The following SPATA20 variants were observed in gnomAD, a reference collection of about 807,000 sequenced individuals.
SPATA20 encodes spermatogenesis associated 20.
SPATA20 carries 74 observed loss-of-function variants against 98.9 expected under a neutral mutation model. That is an observed-to-expected ratio of 0.75 (90% CI 0.62 to 0.91). The LOEUF (loss-of-function observed/expected upper bound fraction) is 0.91. Ranked by LOEUF, SPATA20 falls within the 40% of genes least tolerant of loss-of-function variation. The pLI is 0.00. For missense variants in SPATA20, 1,016 were observed against 1,069.8 expected, an observed-to-expected ratio of 0.95 and a Z score of 0.70; for synonymous variants, 430 against 440.5, an observed-to-expected ratio of 0.98 and a Z score of 0.30.
At position 50,550,206 on chromosome 17, in the gene SPATA20, A is replaced by C. The variant is rs2034989007; in HGVS notation, c.994-2A>C. 6.2e-7 allele frequency: 1 copy of C among 1,612,786 alleles called. No individual in the cohort carries two copies. Among genetic ancestry groups the C allele is most frequent in the Non-Finnish European group, 8.5e-7 (1 of 1,179,768 alleles). On this transcript the variant is annotated splice_acceptor_variant, in intron 8 of 16. Coordinates refer to ENST00000006658, the MANE Select transcript of SPATA20 (RefSeq NM_022827.4). LOFTEE classifies it high-confidence loss of function. ...CTGGCCTCCAGCTTTGTATCCGCAC[A>C]GGGCTTTCACCGCTACTCCACAGAC...
At position 50,552,084 on chromosome 17, in the gene SPATA20, G is replaced by A. The variant is rs376110651; in HGVS notation, c.1861G>A (p.Asp621Asn). Reference sequence around the variant, plus strand: ...GCTCGAGTGGGCTCTGCGGCTGCAGGACACACAGGACAAGCTCTTTTGGGA... The same window carrying A: ...GCTCGAGTGGGCTCTGCGGCTGCAGAACACACAGGACAAGCTCTTTTGGGA... ...AWLEWALRLQ[D>N]TQDKLFWDSQ... The change falls in exon 14 of 17, where the codon GAC becomes AAC. Residue 621 changes from aspartate to asparagine, a missense_variant. Physicochemically the swap from Asp to Asn is conservative, Grantham distance 23. Coordinates refer to ENST00000006658, the MANE Select transcript of SPATA20 (RefSeq NM_022827.4). The A allele has an allele frequency of 6.2e-7, 1 of 1,613,718 alleles. No homozygotes were observed. Among genetic ancestry groups the A allele is most frequent in the African/African-American group, 1.3e-5 (1 of 74,950 alleles).
chr17:50,554,226 C>A (rs1336567800), intron 14 of SPATA20, 25 bp from the exon 15 acceptor site: 1 of 1,610,440 alleles, frequency 6.2e-7, no homozygotes, highest in Non-Finnish European at 8.5e-7. Flanking sequence ...CTTACCCCCA[C>A]CCCCTGCCTC....
chr17:50,547,860 A>T, intron 2 of SPATA20, 93 bp downstream of exon 2: 1 of 1,057,824 alleles, frequency 9.5e-7, no homozygotes, highest in Non-Finnish European at 1.5e-6. Context: ...TGGCCTGTCC[A>T]GCCACCAACA....
At chr17:50,554,885 C>CTCTG (rs1378621002) in intron 15 of SPATA20, among the ~76,000 whole-genome samples, 5 of 141,438 alleles carry the variant, frequency 3.5e-5, no homozygotes, top group Non-Finnish European at 7.8e-5. Flanking sequence ...TGGGCATCTA[C>CTCTG]TGTGTGTGTG....
chr17:50,548,949 C>T lies in SPATA20; in HGVS notation c.501C>T (p.Tyr167=), dbSNP rs1412474452. 2 of 1,614,154 alleles carry T rather than the reference C, an allele frequency of 1.2e-6. No homozygotes were observed. Among genetic ancestry groups the T allele is most frequent in the Non-Finnish European group, 1.7e-6 (2 of 1,180,010 alleles). ...REERPDVDKV[Y]MTFVQATSSG... ...AGCGGCCTGACGTGGACAAGGTGTA[C>T]ATGACGTTCGTGCAGGTGAGCAGCC... Residue 167 remains tyrosine (Y), a synonymous_variant, in exon 5 of 17, where the codon TAC becomes TAT. Transcript: ENST00000006658.
intron 2 of SPATA20, chr17:50,548,009 G>C (rs775846420): frequency 6.8e-7 from 1 of 1,475,380 alleles, no homozygotes; most frequent in South Asian, 1.4e-5. Context: ...ATTGTGACCC[G>C]CCCTGACCTC....
In SPATA20 at chr17:50,550,044, C is replaced by T. The variant is rs778772586; in HGVS notation, c.922C>T (p.Arg308Trp). 34 of 1,601,310 alleles carry T rather than the reference C, an allele frequency of 2.1e-5. No individual in the cohort carries two copies. The highest frequency in any genetic ancestry group is 2.6e-5 in the Non-Finnish European group (30 of 1,171,232). The change falls in exon 8 of 17, where the codon CGG becomes TGG. Residue 308 changes from arginine (R) to tryptophan (W), a missense_variant. Transcript: ENST00000006658. ...LSHRLTQDGS[R>W]AQQMALHTLK... is the part of the protein sequence containing the mutation. ...CCATCGACTGACTCAGGATGGCTCT[C>T]GGGCCCAGCAGATGGCCTTGCATAC...
chr17:50,555,475 C>T lies in SPATA20; in HGVS notation c.2239-17C>T. ...CCACCCCGGCAGGTGACTCTCCCTG[C>T]TCTGCTGCTGCCCTAGGTGCTGATT... On this transcript the variant is annotated splice_polypyrimidine_tract_variant and intron_variant, in intron 16 of 16. Coordinates refer to ENST00000006658, the MANE Select transcript of SPATA20 (RefSeq NM_022827.4). The T allele has an allele frequency of 6.2e-7, 1 of 1,613,502 alleles. No homozygotes were observed. The highest frequency in any genetic ancestry group is 8.5e-7 in the Non-Finnish European group (1 of 1,179,702).
chr17:50,549,414 C>T lies in SPATA20; in HGVS notation c.789C>T (p.Cys263=), dbSNP rs1567909440. 6.2e-7 allele frequency: 1 copy of T among 1,612,784 alleles called. No homozygotes were observed. Among genetic ancestry groups the T allele is most frequent in the South Asian group, 1.1e-5 (1 of 91,086 alleles). Residue 263 remains cysteine, a synonymous_variant, in exon 7 of 17, where the codon TGC becomes TGT. Coordinates refer to ENST00000006658, the MANE Select transcript of SPATA20 (RefSeq NM_022827.4). ...CTGCCGCCACCGTGAACAATCGCTG[C>T]TTCCAGCAGCTGGATGAGGGCTATG... The part of the protein sequence containing the change: ...PPSAATVNNR[C]FQQLDEGYDE...
intron 15 of SPATA20, among the ~76,000 whole-genome samples, chr17:50,554,919 G>A (rs2035083002): frequency 9.9e-6 from 1 of 101,452 alleles, no homozygotes. Context: ...GTGTGTGTGT[G>A]TGTGTGTGTG....
At position 50,549,191 on chromosome 17, in the gene SPATA20, G is replaced by A. The variant is rs377547872; in HGVS notation, c.660+5G>A. On this transcript the variant is annotated splice_donor_5th_base_variant and intron_variant, in intron 6 of 16. Coordinates refer to ENST00000006658, the MANE Select transcript of SPATA20 (RefSeq NM_022827.4). ...TTGCTGAGAATACGAGAACAGGTGG[G>A]TGTGCCTCCGGGAGTTGGGGGACCA... The A allele has an allele frequency of 2.6e-5, 41 of 1,593,382 alleles. No homozygotes were observed. In the African/African-American group the frequency reaches 4.7e-4, roughly 18 times the overall value.
chr17:50,552,768 G>T (rs535504824), intron 14 of SPATA20, among the ~76,000 whole-genome samples: 1 of 151,420 alleles, frequency 6.6e-6, no homozygotes, highest in East Asian at 2.0e-4. Flanking sequence ...TGCCCAGGCT[G>T]GTCTGAAACT....
intron 14 of SPATA20, 114 bp from the exon 15 acceptor site, chr17:50,554,137 C>A: frequency 1.1e-6 from 1 of 894,240 alleles, no homozygotes; most frequent in Non-Finnish European, 1.8e-6. Flanking sequence ...GCAGGATGGG[C>A]AGGGCCTTTT....
At chr17:50,552,565 C>CT (rs36121212) in intron 14 of SPATA20, among the ~76,000 whole-genome samples, 52,528 of 128,586 alleles carry the variant, frequency 0.41, 12,110 homozygotes, top group East Asian at 0.85. Flanking sequence ...CTTTCTTTCT[C>CT]TTTTTTTTTT....
rs111859993 is a variant in SPATA20, at chr17:50,550,690, A to G, written c.1174-18A>G. ...CTGCCCTGTGGGCCGGGGCCAGCCA[A>G]CTCTCCCCTCCCCACAGTCCGGAGG... On this transcript the variant is annotated intron_variant, in intron 10 of 16. Transcript: ENST00000006658. 1 of 1,612,422 alleles carries G rather than the reference A, an allele frequency of 6.2e-7. No individual in the cohort carries two copies. Among genetic ancestry groups the G allele is most frequent in the East Asian group, 2.2e-5 (1 of 44,814 alleles).
intron 14 of SPATA20, 39 bp from the exon 15 acceptor site, chr17:50,554,212 T>C (rs2035057419): frequency 6.3e-7 from 1 of 1,596,454 alleles, no homozygotes; most frequent in South Asian, 1.1e-5. Flanking sequence ...CTCAGTGACC[T>C]GCCCTTACCC....
intron 7 of SPATA20, 109 bp from the exon 8 acceptor site, chr17:50,549,876 C>A: frequency 8.1e-7 from 1 of 1,231,466 alleles, no homozygotes; most frequent in Non-Finnish European, 1.1e-6. Flanking sequence ...CCAGAGACTG[C>A]CTGTTGAGTG....
Position 50,552,148 on chromosome 17 carries a change from T to C in SPATA20, c.1925T>C (p.Leu642Pro), listed in dbSNP as rs751080326. Residue 642 changes from leucine to proline, a missense_variant, in exon 14 of 17, where the codon CTG (leucine) becomes CCG (proline). By Grantham distance (98) the Leu-to-Pro change is moderately conservative. Coordinates refer to ENST00000006658, the MANE Select transcript of SPATA20 (RefSeq NM_022827.4). Reference sequence around the variant, plus strand: ...GGCTACTTCTGCAGTGAGGCTGAGCTGGGGGCTGGCCTGCCCCTGCGTCTG... The same window carrying C: ...GGCTACTTCTGCAGTGAGGCTGAGCCGGGGGCTGGCCTGCCCCTGCGTCTG... Reference protein sequence around the residue: ...GGGYFCSEAELGAGLPLRLKD... With the variant: ...GGGYFCSEAEPGAGLPLRLKD... 6.2e-7 allele frequency: 1 copy of C among 1,613,640 alleles called. No homozygotes were observed. Among genetic ancestry groups the C allele is most frequent in the South Asian group, 1.1e-5 (1 of 91,072 alleles).
intron 1 of SPATA20, 90 bp downstream of exon 1, chr17:50,547,375 A>C: frequency 3.5e-6 from 4 of 1,127,332 alleles, no homozygotes; most frequent in Non-Finnish European, 4.9e-6. Context: ...CCCCAGTGCC[A>C]GTCTGGACCA....
Sources: allele counts gnomAD v4.1 joint callset (sites outside exome capture counted in the v4.1 genomes callset), GRCh38; gene constraint gnomAD v4.1.1; transcripts MANE v1.5; gene names NCBI Gene and HGNC (gene_info 2026-07-23, HGNC 2026-07-21).